The following ADAMTSL3 variants were observed in gnomAD, a reference collection of about 807,000 sequenced individuals.
ADAMTSL3 encodes ADAMTS-like protein 3.
ADAMTSL3 carries 128 observed loss-of-function variants against 201.7 expected under a neutral mutation model. The ratio of observed to expected loss-of-function variants is 0.63; its 90% CI spans 0.55 to 0.73. The LOEUF (loss-of-function observed/expected upper bound fraction) is 0.73. ADAMTSL3 is among the 30% of genes least tolerant of loss of function. The pLI is 0.00. For synonymous variants in ADAMTSL3, 738 were observed against 748.4 expected, an observed-to-expected ratio of 0.99 and a Z score of 0.23; for missense variants, 1,990 against 2,119.6, an observed-to-expected ratio of 0.94 and a Z score of 1.20.
chr15:83,934,868 A>G (rs112547836), intron 17 of ADAMTSL3, among the ~76,000 whole-genome samples: 5 of 152,236 alleles, frequency 3.3e-5, no homozygotes, highest in African/African-American at 9.6e-5. Context: ...TTCAGCCATA[A>G]AAAAGAATGA....
At chr15:83,947,060 CT>C (rs1379180693) in intron 19 of ADAMTSL3, among the ~76,000 whole-genome samples, 1 of 152,228 alleles carries the variant, frequency 6.6e-6, no homozygotes, top group East Asian at 1.9e-4. Flanking sequence ...CTGGATGGAG[CT>C]TTCTCCTGTT....
intron 6 of ADAMTSL3, among the ~76,000 whole-genome samples, chr15:83,830,438 G>A (rs568333816): frequency 1.3e-5 from 2 of 152,266 alleles, no homozygotes; most frequent in African/African-American, 4.8e-5. Context: ...CATGAAAAAC[G>A]GAAGATAAGG....
chr15:83,970,561 C>G lies in ADAMTSL3; in HGVS notation c.2568C>G (p.Ile856Met). 1 of 1,614,200 alleles carries G rather than the reference C, an allele frequency of 6.2e-7. No homozygotes were observed. The highest frequency in any genetic ancestry group is 1.1e-5 in the South Asian group (1 of 91,082). The change falls in exon 20 of 30, where the codon ATC becomes ATG. Residue 856 changes from isoleucine to methionine, a missense_variant. Transcript: ENST00000286744. Reference sequence around the variant, plus strand: ...GGCTGGCAGCCAAAGGTCGGCGCATCCCCCTCAGTGAGATGATGTGCAGGG... The same window carrying G: ...GGCTGGCAGCCAAAGGTCGGCGCATGCCCCTCAGTGAGATGATGTGCAGGG... ...CQRLAAKGRR[I>M]PLSEMMCRDL...
rs1443995684 is a variant in ADAMTSL3 at position 83,942,718 on chromosome 15, A to AGCC, written c.2241_2243dup (p.Pro748dup). Reference sequence around the variant, plus strand: ...CCTCCTGAGGAGTGCCGAGATGAAAAGCCCCATGCTTTACAAGCATGCAAT... The same window carrying AGCC: ...CCTCCTGAGGAGTGCCGAGATGAAAAGCCGCCCCATGCTTTACAAGCATGCAAT... On this transcript the variant is annotated inframe_insertion, in exon 18 of 30. Transcript: ENST00000286744. 3.1e-6 allele frequency: 5 copies of AGCC among 1,613,902 alleles called. No individual in the cohort carries two copies. The Admixed American group carries it at 8.3e-5, about 27-fold the overall frequency.
In ADAMTSL3 at chr15:84,016,358, AAGTGCT is replaced by A. The variant is rs2068086357; in HGVS notation, c.4157-23_4157-18del. ...TAATTAGATAATGTCTAACTGGTAA[AAGTGCT>A]ACTTTTTTTTTTCCTCAGAACGAAG... On this transcript the variant is annotated intron_variant, in intron 24 of 29. Coordinates refer to ENST00000286744, the MANE Select transcript of ADAMTSL3 (RefSeq NM_207517.3). 1 of 1,583,230 alleles carries A rather than the reference AAGTGCT, an allele frequency of 6.3e-7. No homozygotes were observed. Among genetic ancestry groups the A allele is most frequent in the South Asian group, 1.1e-5 (1 of 90,348 alleles).
At chr15:83,861,748 G>A (rs2064867224) in intron 8 of ADAMTSL3, 1 of 152,228 alleles carries the variant, frequency 6.6e-6, no homozygotes, top group African/African-American at 2.4e-5. Flanking sequence ...CTCCTCACCA[G>A]CAACGGAACA....
At chr15:83,684,612 A>C (rs1370732159) in intron 2 of ADAMTSL3, among the ~76,000 whole-genome samples, 2 of 152,112 alleles carry the variant, frequency 1.3e-5, no homozygotes, top group African/African-American at 4.8e-5. Context: ...ACTTTATATA[A>C]GACAATTATA....
At chr15:83,941,285 A>G (rs1243519857) in intron 17 of ADAMTSL3, among the ~76,000 whole-genome samples, 1 of 151,936 alleles carries the variant, frequency 6.6e-6, no homozygotes, top group African/African-American at 2.4e-5. Flanking sequence ...AGGTGTTTAT[A>G]ATAGAAAATT....
chr15:83,860,497 A>G (rs1205203042), intron 8 of ADAMTSL3, among the ~76,000 whole-genome samples: 1 of 152,218 alleles, frequency 6.6e-6, no homozygotes, highest in African/African-American at 2.4e-5. Context: ...GCATTTTAAA[A>G]GGGCAAAGTT....
intron 19 of ADAMTSL3, among the ~76,000 whole-genome samples, chr15:83,948,798 A>G (rs552980511): frequency 1.5e-4 from 23 of 152,176 alleles, no homozygotes; most frequent in South Asian, 6.2e-4. Flanking sequence ...CATTTTTATT[A>G]TGTGTTATTA....
chr15:83,714,823 C>T (rs1331725462), intron 3 of ADAMTSL3, among the ~76,000 whole-genome samples: 656 of 59,342 alleles, frequency 0.011, 7 homozygotes, highest in Non-Finnish European at 0.015. Flanking sequence ...TCTTTCTTTC[C>T]TTCTCTCTCT....
At chr15:83,909,578 A>G (rs2065897074) in intron 15 of ADAMTSL3, among the ~76,000 whole-genome samples, 1 of 152,002 alleles carries the variant, frequency 6.6e-6, no homozygotes, top group African/African-American at 2.4e-5. Flanking sequence ...CATACAATAA[A>G]CTGTGTCTAT....
chr15:83,794,021 C>T (rs577555840), intron 4 of ADAMTSL3, among the ~76,000 whole-genome samples: 130 of 152,132 alleles, frequency 8.5e-4, no homozygotes, highest in Middle Eastern at 6.8e-3. Context: ...GATATTTTAC[C>T]CAAGAGAATA....
At chr15:83,879,643 A>C (rs2065236697) in intron 9 of ADAMTSL3, among the ~76,000 whole-genome samples, 1 of 152,200 alleles carries the variant, frequency 6.6e-6, no homozygotes, top group African/African-American at 2.4e-5. Context: ...AATTTGTAAA[A>C]CTTGGTTTGT....
At chr15:83,740,772 A>T (rs1361071418) in intron 3 of ADAMTSL3, among the ~76,000 whole-genome samples, 1 of 152,200 alleles carries the variant, frequency 6.6e-6, no homozygotes, top group East Asian at 1.9e-4. Context: ...TAAATATCAG[A>T]CAAATTCTAT....
intron 3 of ADAMTSL3, among the ~76,000 whole-genome samples, chr15:83,772,300 G>A (rs2141747662): frequency 6.6e-6 from 1 of 152,278 alleles, no homozygotes; most frequent in South Asian, 2.1e-4. Flanking sequence ...ACAGTATTGA[G>A]TCTACTCATT....
At chr15:83,728,215 T>G (rs1351717990) in intron 3 of ADAMTSL3, among the ~76,000 whole-genome samples, 1 of 152,032 alleles carries the variant, frequency 6.6e-6, no homozygotes, top group Non-Finnish European at 1.5e-5. Flanking sequence ...TGGAATATCT[T>G]TTTTCATCCC....
At chr15:83,866,478 C>A (rs538156464) in intron 8 of ADAMTSL3, among the ~76,000 whole-genome samples, 44 of 152,106 alleles carry the variant, frequency 2.9e-4, no homozygotes, top group African/African-American at 7.9e-4. Context: ...ATGATGCTGG[C>A]AACCATCATT....
chr15:83,759,939 T>C (rs1326846146), intron 3 of ADAMTSL3, among the ~76,000 whole-genome samples: 1 of 152,164 alleles, frequency 6.6e-6, no homozygotes, highest in Non-Finnish European at 1.5e-5. Context: ...TTCCTAAAAT[T>C]GATTTTTAGT....
Sources: gnomAD v4.1 joint callset for allele counts (sites outside exome capture counted in the v4.1 genomes callset) on GRCh38, gnomAD v4.1.1 for gene constraint, MANE v1.5 for transcripts, NCBI Gene and HGNC (gene_info 2026-07-23, HGNC 2026-07-21) for gene names.